PCDHGA5: variants seen among roughly 807,000 people sequenced by gnomAD.
The protein encoded by PCDHGA5 is protocadherin gamma-A5.
In PCDHGA5, 36 loss-of-function variants were observed where a neutral mutation model predicts 56.7. That is an observed-to-expected ratio of 0.64 (90% CI 0.49 to 0.84). The LOEUF (loss-of-function observed/expected upper bound fraction) is 0.84. Among genes scored for constraint, PCDHGA5 ranks in the 40% least tolerant of loss-of-function variants. The pLI is 0.00. For synonymous variants in PCDHGA5, 563 were observed against 520.2 expected, an observed-to-expected ratio of 1.08 and a Z score of -1.12; for missense variants, 1,305 against 1,201.5, an observed-to-expected ratio of 1.09 and a Z score of -1.27.
In PCDHGA5 at chr5:141,459,848, C is replaced by T. The variant is rs573481876; in HGVS notation, c.2422-34959C>T. Among the ~76,000 whole-genome samples the T allele has an allele frequency of 1.1e-4, 16 of 152,244 alleles. No homozygotes were observed. In the South Asian group the frequency reaches 2.5e-3, roughly 24 times the overall value. ...TTTCATGTGTTGTCTATTTGTATATCTTCTTGAAGCATTCGTTCATCTTTA... is the reference window on the plus strand; with the variant it reads ...TTTCATGTGTTGTCTATTTGTATATTTTCTTGAAGCATTCGTTCATCTTTA... On this transcript the variant is annotated intron_variant, in intron 1 of 3. Transcript: ENST00000518069.
chr5:141,414,280 G>C, intron 1 of PCDHGA5: 5 of 1,613,604 alleles, frequency 3.1e-6, no homozygotes, highest in Non-Finnish European at 4.2e-6. Context: ...TCTGGGAACA[G>C]TCGTAGCCCT....
chr5:141,372,334 G>C (rs757971401), intron 1 of PCDHGA5: 1 of 1,613,648 alleles, frequency 6.2e-7, no homozygotes, highest in African/African-American at 1.3e-5. Context: ...GTCACTGTGC[G>C]TGATGGAGGA....
At position 141,384,552 on chromosome 5, in the gene PCDHGA5, C is replaced by A. The variant is rs752995629; in HGVS notation, c.2421+17801C>A. ...GCAGCAACATGTCACTGAGCCTGTTCGTGCTGGACCAGAATGACAACCCGC... is the reference window on the plus strand; with the variant it reads ...GCAGCAACATGTCACTGAGCCTGTTAGTGCTGGACCAGAATGACAACCCGC... On this transcript the variant is annotated intron_variant, in intron 1 of 3. Transcript: ENST00000518069. 1.4e-5 allele frequency: 22 copies of A among 1,614,148 alleles called. No individual in the cohort carries two copies. In the Admixed American group the frequency reaches 3.0e-4, roughly 22 times the overall value.
chr5:141,471,047 T>C (rs1270779800), intron 1 of PCDHGA5, among the ~76,000 whole-genome samples: 3 of 63,666 alleles, frequency 4.7e-5, no homozygotes. Flanking sequence ...CCAAGCCCTC[T>C]TTTTTTTTTT....
At chr5:141,390,349 T>C in intron 1 of PCDHGA5, 1 of 1,568,926 alleles carries the variant, frequency 6.4e-7, no homozygotes, top group South Asian at 1.2e-5. Flanking sequence ...CAAGAAAATA[T>C]ACATATTTGC....
intron 1 of PCDHGA5, chr5:141,441,111 G>A (rs1457975305): frequency 1.3e-5 from 2 of 152,194 alleles, no homozygotes; most frequent in Non-Finnish European, 1.5e-5. Flanking sequence ...TCATTGTCCA[G>A]TGTACAGTTG....
chr5:141,486,734 C>G lies in PCDHGA5; in HGVS notation c.2422-8073C>G, dbSNP rs2099634292. On this transcript the variant is annotated intron_variant, in intron 1 of 3. Transcript: ENST00000518069. This position sits in a 1 kb window ranked among gnomAD's most constrained non-coding sequence, Gnocchi z 5.0. ...CCAGACAGGAGCTGTTCATGCTACT[C>G]GATCCTTTGACTATGAGCAAACCCA... 6.2e-7 allele frequency: 1 copy of G among 1,614,070 alleles called. No individual in the cohort carries two copies. The highest frequency in any genetic ancestry group is 1.7e-5 in the Admixed American group (1 of 60,000).
chr5:141,393,950 T>C (rs1203228447), intron 1 of PCDHGA5: 1 of 1,613,996 alleles, frequency 6.2e-7, no homozygotes, highest in Non-Finnish European at 8.5e-7. Context: ...CTGGAAAGAA[T>C]GGTCAAGTTG....
intron 1 of PCDHGA5, chr5:141,427,891 G>A (rs767506033): frequency 1.3e-6 from 2 of 1,566,658 alleles, no homozygotes; most frequent in South Asian, 2.2e-5. Context: ...CACGACCAGG[G>A]CTCGCCCGCG....
chr5:141,409,171 C>G, intron 1 of PCDHGA5: 1 of 1,613,962 alleles, frequency 6.2e-7, no homozygotes, highest in South Asian at 1.1e-5. Flanking sequence ...AAGCGAAGGA[C>G]GGAGGTGGTC....
intron 1 of PCDHGA5, chr5:141,418,947 G>T (rs534744990): frequency 6.2e-7 from 1 of 1,614,022 alleles, no homozygotes; most frequent in African/African-American, 1.3e-5. Context: ...TCCCCTCCAG[G>T]AGTGGTTGTT....
intron 1 of PCDHGA5, chr5:141,442,382 T>C (rs1256682275): frequency 6.6e-6 from 1 of 152,290 alleles, no homozygotes; most frequent in East Asian, 1.9e-4. Flanking sequence ...CTACCAGGTG[T>C]GTGCTTCTCC....
chr5:141,432,622 G>A lies in PCDHGA5; in HGVS notation c.2422-62185G>A. 6.2e-7 allele frequency: 1 copy of A among 1,612,776 alleles called. No individual in the cohort carries two copies. The stretch of plus-strand genomic sequence containing the variant: ...AGCCGGGACTCTTCTCGGTGGGTCT[G>A]CACACGGGCGAGGTGCGCACGGCGC... On this transcript the variant is annotated intron_variant, in intron 1 of 3. Transcript: ENST00000518069. This position sits in a 1 kb window ranked among gnomAD's most constrained non-coding sequence, Gnocchi z 6.0.
At position 141,366,418 on chromosome 5, in the gene PCDHGA5, A is replaced by C. The variant is rs371439517; in HGVS notation, c.2088A>C (p.Ala696=). 6.2e-7 allele frequency: 1 copy of C among 1,614,106 alleles called. No homozygotes were observed. Among genetic ancestry groups the C allele is most frequent in the East Asian group, 2.2e-5 (1 of 44,884 alleles). ...DLDLTLYLVV[A]VAAVSCVFLA... ...ACCTCACACTCTATCTTGTGGTGGCAGTGGCTGCAGTCTCCTGCGTCTTCC... is the reference window on the plus strand; with the variant it reads ...ACCTCACACTCTATCTTGTGGTGGCCGTGGCTGCAGTCTCCTGCGTCTTCC... Residue 696 remains alanine, a synonymous_variant, in exon 1 of 4, where the codon GCA becomes GCC. Transcript: ENST00000518069.
intron 1 of PCDHGA5, among the ~76,000 whole-genome samples, chr5:141,447,234 G>T (rs534523483): frequency 9.9e-4 from 150 of 152,170 alleles, no homozygotes; most frequent in Non-Finnish European, 1.8e-3. Flanking sequence ...CCGCCTCCCG[G>T]GTTCAAGTGA....
At chr5:141,375,187 T>A in intron 1 of PCDHGA5, 1 of 1,613,994 alleles carries the variant, frequency 6.2e-7, no homozygotes, top group Non-Finnish European at 8.5e-7. Flanking sequence ...TAATCGCCCT[T>A]TTTCAAGTGT....
chr5:141,366,787 T>C, intron 1 of PCDHGA5, 36 bp downstream of exon 1: 1 of 1,572,004 alleles, frequency 6.4e-7, no homozygotes, highest in Non-Finnish European at 8.6e-7. Flanking sequence ...GACCAGAACA[T>C]TTTCATTTGT....
chr5:141,394,511 C>T, intron 1 of PCDHGA5: 1 of 1,614,218 alleles, frequency 6.2e-7, no homozygotes. Flanking sequence ...TGTACCCCGC[C>T]CTCCCCACAG....
chr5:141,419,321 T>G, intron 1 of PCDHGA5: 1 of 1,613,950 alleles, frequency 6.2e-7, no homozygotes, highest in Non-Finnish European at 8.5e-7. Context: ...CGGCCGTGTC[T>G]CCTACTCTCT....
Sources: gnomAD v4.1 joint callset for allele counts (sites outside exome capture counted in the v4.1 genomes callset) on GRCh38, gnomAD v4.1.1 for gene constraint, Gnocchi (gnomAD v3.1) non-coding constraint, MANE v1.5 for transcripts, NCBI Gene and HGNC (gene_info 2026-07-23, HGNC 2026-07-21) for gene names.